The following KIAA1328 variants were observed in gnomAD, a reference collection of about 807,000 sequenced individuals.
The protein encoded by KIAA1328 is KIAA1328.
Under a neutral mutation model 68.1 loss-of-function variants are expected in KIAA1328, and 52 were observed. That is an observed-to-expected ratio of 0.76 (90% CI 0.61 to 0.96). The LOEUF is 0.96. Ranked by LOEUF, KIAA1328 falls within the 40% of genes least tolerant of loss-of-function variation. The probability of loss-of-function intolerance (pLI) is 0.00; values close to 1 mark genes in which losing one functional copy is unlikely to be tolerated. For missense variants in KIAA1328, 641 were observed against 677.6 expected (o/e 0.95, Z 0.60); for synonymous variants, 232 against 239.4 (o/e 0.97, Z 0.28).
chr18:36,878,870 C>T (rs1568113383), intron 4 of KIAA1328, among the ~76,000 whole-genome samples: 1 of 152,170 alleles, frequency 6.6e-6, no homozygotes, highest in Non-Finnish European at 1.5e-5. Context: ...TCCATCAGGT[C>T]ATTTATGTTC....
chr18:37,222,103 G>A lies in KIAA1328; in HGVS notation c.1610G>A (p.Gly537Glu), dbSNP rs760865911. 1.2e-6 allele frequency: 2 copies of A among 1,613,498 alleles called. No homozygotes were observed. Among genetic ancestry groups the A allele is most frequent in the Non-Finnish European group, 1.7e-6 (2 of 1,179,716 alleles). The change falls in exon 10 of 10, where the codon GGG (glycine) becomes GAG (glutamate). Residue 537 changes from glycine (G) to glutamate (E), a missense_variant. By Grantham distance (98) the Gly-to-Glu change is moderately conservative (BLOSUM62 -2). Transcript: ENST00000280020. The stretch of plus-strand genomic sequence containing the variant: ...CAGCGCTATCCCTCCAGAGAAGCTG[G>A]GGCCTGGAATCATGGTACTTTCCGA... Reference protein sequence around the residue: ...KPQRYPSREAGAWNHGTFRLS... With the variant: ...KPQRYPSREAEAWNHGTFRLS...
At chr18:36,985,286 A>T (rs2052870966) in intron 6 of KIAA1328, among the ~76,000 whole-genome samples, 2 of 152,174 alleles carry the variant, frequency 1.3e-5, no homozygotes, top group Admixed American at 1.3e-4. Flanking sequence ...TGCAACAGGG[A>T]TAGACCTTGT....
chr18:37,135,115 G>A (rs2058614247), intron 7 of KIAA1328, among the ~76,000 whole-genome samples: 1 of 152,104 alleles, frequency 6.6e-6, no homozygotes, highest in African/African-American at 2.4e-5. Flanking sequence ...TGGGCACCTA[G>A]GTCGATTCCA....
At chr18:37,011,419 C>T (rs1356308274) in intron 6 of KIAA1328, among the ~76,000 whole-genome samples, 1 of 152,114 alleles carries the variant, frequency 6.6e-6, no homozygotes, top group Non-Finnish European at 1.5e-5. Flanking sequence ...TCACCAAATC[C>T]AGTGCACTCT....
At position 37,224,510 on chromosome 18, in the gene KIAA1328, G is replaced by C. The variant is rs1419698268; in HGVS notation, c.*2283G>C. On this transcript the variant is annotated 3_prime_UTR_variant, in exon 10 of 10. Transcript: ENST00000280020. ...GACATTTTGTTGGTGTTGGTGCAAGGGCAATAGGATGTAAATTTGTATATA... is the reference window on the plus strand; with the variant it reads ...GACATTTTGTTGGTGTTGGTGCAAGCGCAATAGGATGTAAATTTGTATATA... The C allele has an allele frequency of 2.0e-6, 2 of 984,754 alleles. No individual in the cohort carries two copies. The highest frequency in any genetic ancestry group is 1.2e-6 in the Non-Finnish European group (1 of 829,558). The allele number at this position is 984,754 out of a possible 1,614,324, so 61.0% of individuals were successfully genotyped here. A position where few individuals can be genotyped will look rare whatever the true frequency, so the allele number is the denominator to read the frequency against.
chr18:37,152,395 G>T (rs1321585075), intron 7 of KIAA1328, among the ~76,000 whole-genome samples: 1 of 152,138 alleles, frequency 6.6e-6, no homozygotes, highest in Non-Finnish European at 1.5e-5. Context: ...GTCTCCAGAT[G>T]ATAAGGGTCT....
Position 36,869,261 on chromosome 18 carries a change from C to T in KIAA1328, c.333-16296C>T, listed in dbSNP as rs575243372. ...TCCATTTTCAGGTGGTTGTTCTGAG[C>T]TCTGTATCAAAAGAATATCTTTTGA... On this transcript the variant is annotated intron_variant, in intron 4 of 9. Coordinates refer to ENST00000280020, the MANE Select transcript of KIAA1328 (RefSeq NM_020776.3). Among the ~76,000 whole-genome samples the T allele has an allele frequency of 2.0e-5, 3 of 152,246 alleles. No homozygotes were observed. In the East Asian group the frequency reaches 5.8e-4, roughly 29 times the overall value.
At chr18:37,027,575 C>T (rs1159158008) in intron 6 of KIAA1328, among the ~76,000 whole-genome samples, 1 of 152,156 alleles carries the variant, frequency 6.6e-6, no homozygotes, top group East Asian at 1.9e-4. Context: ...ATATCTACAG[C>T]CATCTGATCT....
At chr18:37,080,336 A>G (rs761790740) in intron 7 of KIAA1328, among the ~76,000 whole-genome samples, 8 of 152,170 alleles carry the variant, frequency 5.3e-5, no homozygotes, top group African/African-American at 1.4e-4. Flanking sequence ...ATCCTTGGGA[A>G]GAGTTATTTG....
intron 6 of KIAA1328, among the ~76,000 whole-genome samples, chr18:36,998,819 C>T (rs988239801): frequency 9.9e-5 from 15 of 152,046 alleles, no homozygotes; most frequent in Admixed American, 7.2e-4. Context: ...TAGGAAGAAG[C>T]GACTACTGTG....
At chr18:36,843,283 T>C (rs1490542695) in intron 3 of KIAA1328, among the ~76,000 whole-genome samples, 3 of 152,196 alleles carry the variant, frequency 2.0e-5, no homozygotes, top group East Asian at 1.9e-4. Flanking sequence ...TCCATTTTTT[T>C]CCCTACTCTC....
chr18:36,854,476 C>A (rs1398103667), intron 4 of KIAA1328, among the ~76,000 whole-genome samples: 2 of 152,046 alleles, frequency 1.3e-5, no homozygotes, highest in African/African-American at 4.8e-5. Context: ...TATCTAGTTA[C>A]CTTTACCAGT....
At position 37,067,570 on chromosome 18, in the gene KIAA1328, T is replaced by C. The variant is rs762134097; in HGVS notation, c.1232+25T>C. ...GGTGAGTACTGCCTGTTCTTTTTTTTTTTTTTTTGAGACGAAATCTCGCCC... is the reference window on the plus strand; with the variant it reads ...GGTGAGTACTGCCTGTTCTTTTTTTCTTTTTTTTGAGACGAAATCTCGCCC... On this transcript the variant is annotated intron_variant, in intron 7 of 9. Coordinates refer to ENST00000280020, the MANE Select transcript of KIAA1328 (RefSeq NM_020776.3). 504 of 1,459,680 alleles carry C rather than the reference T, an allele frequency of 3.5e-4. 3 individuals carry two copies. Among genetic ancestry groups the C allele is most frequent in the Middle Eastern group, 2.2e-4 (1 of 4,548 alleles). The allele number at this position is 1,459,680 out of a possible 1,614,324, so 90.4% of individuals were successfully genotyped here.
intron 3 of KIAA1328, among the ~76,000 whole-genome samples, chr18:36,836,717 C>T: frequency 6.6e-6 from 1 of 151,928 alleles, no homozygotes. Flanking sequence ...GTTGTGGATC[C>T]ATCACCACAA....
chr18:37,090,857 C>T (rs2057246887), intron 7 of KIAA1328, among the ~76,000 whole-genome samples: 1 of 152,150 alleles, frequency 6.6e-6, no homozygotes, highest in Non-Finnish European at 1.5e-5. Flanking sequence ...AAATCTCAAT[C>T]TTTCTCAGTT....
At chr18:37,210,455 C>T (rs947463215) in intron 9 of KIAA1328, among the ~76,000 whole-genome samples, 1 of 152,128 alleles carries the variant, frequency 6.6e-6, no homozygotes, top group African/African-American at 2.4e-5. Context: ...GTAACTCATG[C>T]GTACTGGCTC....
intron 6 of KIAA1328, among the ~76,000 whole-genome samples, chr18:37,006,298 G>A (rs2053780326): frequency 6.6e-6 from 1 of 151,722 alleles, no homozygotes; most frequent in South Asian, 2.1e-4. Context: ...TAAAAGGTCA[G>A]AATTAAGAAA....
intron 7 of KIAA1328, among the ~76,000 whole-genome samples, chr18:37,138,854 G>T (rs2058701868): frequency 6.6e-6 from 1 of 151,596 alleles, no homozygotes; most frequent in Admixed American, 6.6e-5. Context: ...AATATTATTG[G>T]ATATATGGAA....
chr18:37,134,432 T>A (rs1230484147), intron 7 of KIAA1328, among the ~76,000 whole-genome samples: 1 of 152,176 alleles, frequency 6.6e-6, no homozygotes, highest in Non-Finnish European at 1.5e-5. Context: ...GTAATAAACC[T>A]ATTATAAACA....
Sources: gnomAD v4.1 joint callset for allele counts (sites outside exome capture counted in the v4.1 genomes callset) on GRCh38, gnomAD v4.1.1 for gene constraint, MANE v1.5 for transcripts, NCBI Gene and HGNC (gene_info 2026-07-23, HGNC 2026-07-21) for gene names.